CD1B: variants seen among roughly 807,000 people sequenced by gnomAD.
The protein encoded by CD1B is T-cell surface glycoprotein CD1b.
A neutral mutation model predicts 39.8 loss-of-function variants in CD1B; 43 were observed. The ratio of observed to expected loss-of-function variants is 1.08; its 90% CI spans 0.85 to 1.39. CD1B has a LOEUF of 1.39. Ranked by LOEUF, CD1B falls within the 40% of genes most tolerant of loss-of-function variation. The pLI, the probability that CD1B is intolerant of heterozygous loss-of-function variation, is 0.00. For synonymous variants in CD1B, 192 were observed against 152.5 expected, an observed-to-expected ratio of 1.26 and a Z score of -1.91; for missense variants, 495 against 403.8, an observed-to-expected ratio of 1.23 and a Z score of -1.94.
chr1:158,329,563 T>C lies in CD1B; in HGVS notation c.693A>G (p.Pro231=). The C allele has an allele frequency of 6.2e-7, 1 of 1,614,010 alleles. No individual in the cohort carries two copies. Among genetic ancestry groups the C allele is most frequent in the Non-Finnish European group, 8.5e-7 (1 of 1,180,002 alleles). ...GCATCCACATCACCCACACGGGCTTTGGGTAGAATCCTGAGACATGGCACA... is the reference window on the plus strand; with the variant it reads ...GCATCCACATCACCCACACGGGCTTCGGGTAGAATCCTGAGACATGGCACA... The part of the protein sequence containing the change: ...QLVCHVSGFY[P]KPVWVMWMRG... The change falls in exon 4 of 6, where the codon CCA becomes CCG. Residue 231 remains proline, a synonymous_variant. Coordinates refer to ENST00000368168, the MANE Select transcript of CD1B (RefSeq NM_001764.3).
downstream of CD1B, chr1:158,327,827 G>A (rs1165669358): frequency 6.2e-6 from 1 of 160,202 alleles, no homozygotes; most frequent in Non-Finnish European, 1.4e-5. Context: ...CATCCAAAAG[G>A]CTCTGCATCT....
At chr1:158,304,710 C>A in the CD1B span, among the ~76,000 whole-genome samples, 4 of 152,230 alleles carry the variant, frequency 2.6e-5, no homozygotes, top group Non-Finnish European at 4.4e-5. Context: ...ACTGACACCT[C>A]ACACGGCAGG....
the CD1B span, chr1:158,291,380 C>A: frequency 3.7e-6 from 6 of 1,613,978 alleles, no homozygotes; most frequent in Non-Finnish European, 5.1e-6. Context: ...CAAGACCATG[C>A]AAGTCAAGAT....
downstream of CD1B, among the ~76,000 whole-genome samples, chr1:158,324,983 A>T (rs369246426): frequency 7.4e-4 from 112 of 152,270 alleles, 4 homozygotes; most frequent in South Asian, 0.023. Flanking sequence ...ATGAGTATAC[A>T]ATTATGCAAA....
At chr1:158,324,518 T>A (rs1003523539), downstream of CD1B, among the ~76,000 whole-genome samples, 1 of 152,196 alleles carries the variant, frequency 6.6e-6, no homozygotes, top group African/African-American at 2.4e-5. Flanking sequence ...CATTGATTCA[T>A]CGGAAACCAA....
the CD1B span, among the ~76,000 whole-genome samples, chr1:158,286,277 G>T: frequency 6.6e-6 from 1 of 152,108 alleles, no homozygotes; most frequent in Non-Finnish European, 1.5e-5. Flanking sequence ...TGTTCAGAGA[G>T]CTTAATAACC....
downstream of CD1B, among the ~76,000 whole-genome samples, chr1:158,324,088 C>A (rs1337200149): frequency 6.6e-6 from 1 of 152,194 alleles, no homozygotes; most frequent in Admixed American, 6.5e-5. Context: ...TCACTGCCAA[C>A]ATTTAACGGA....
the CD1B span, among the ~76,000 whole-genome samples, chr1:158,310,431 T>G: frequency 5.3e-5 from 8 of 152,066 alleles, no homozygotes; most frequent in Non-Finnish European, 8.8e-5. Flanking sequence ...TGATGAAGAC[T>G]TCAAAAGAAA....
intron 1 of CD1B, 122 bp from the exon 2 acceptor site, chr1:158,331,184 T>C: frequency 8.7e-7 from 1 of 1,146,262 alleles, no homozygotes. Flanking sequence ...ACAGGAAGTC[T>C]GACACATTTG....
At chr1:158,327,593 A>T (rs2101709683), downstream of CD1B, among the ~76,000 whole-genome samples, 1 of 152,086 alleles carries the variant, frequency 6.6e-6, no homozygotes, top group East Asian at 1.9e-4. Flanking sequence ...TGCAGCTAAG[A>T]GATCTTGCCA....
At chr1:158,308,491 C>T in the CD1B span, among the ~76,000 whole-genome samples, 2 of 152,118 alleles carry the variant, frequency 1.3e-5, no homozygotes, top group African/African-American at 4.8e-5. Context: ...CTTTAAAGTT[C>T]ATATGGAACC....
chr1:158,320,008 A>T, the CD1B span, among the ~76,000 whole-genome samples: 3 of 152,204 alleles, frequency 2.0e-5, no homozygotes, highest in Non-Finnish European at 4.4e-5. Context: ...TTGAGGAGGC[A>T]GTCTGCCCGT....
the CD1B span, among the ~76,000 whole-genome samples, chr1:158,317,463 G>T: frequency 0.018 from 2,684 of 151,666 alleles, 80 homozygotes; most frequent in African/African-American, 0.062. Flanking sequence ...GGTGTTTGTA[G>T]TATTCTCTGA....
the CD1B span, among the ~76,000 whole-genome samples, chr1:158,298,503 C>T: frequency 6.6e-6 from 1 of 152,140 alleles, no homozygotes; most frequent in East Asian, 1.9e-4. Context: ...AATGTGGGCT[C>T]TTTTTGATTT....
At chr1:158,326,820 A>T (rs1652370828), downstream of CD1B, among the ~76,000 whole-genome samples, 2 of 149,180 alleles carry the variant, frequency 1.3e-5, no homozygotes, top group South Asian at 4.2e-4. Context: ...TTTTGGAGAC[A>T]GGGTCTTGCT....
At chr1:158,311,427 T>C in the CD1B span, among the ~76,000 whole-genome samples, 19 of 152,296 alleles carry the variant, frequency 1.2e-4, no homozygotes, top group South Asian at 3.9e-3. Context: ...TGGATCTTAA[T>C]CCCTTTGGAT....
In CD1B at chr1:158,330,639, G is replaced by T. The variant is rs1171658572; in HGVS notation, c.328+157C>A. 7 of 784,868 alleles carry T rather than the reference G, an allele frequency of 8.9e-6. No homozygotes were observed. The South Asian group carries it at 9.6e-5, about 11-fold the overall frequency. The allele number at this position is 784,868 out of a possible 1,614,324, so 48.6% of individuals were successfully genotyped here. On this transcript the variant is annotated intron_variant, in intron 2 of 5. Transcript: ENST00000368168. ...AGAATCTGAAATATGAGGTGTGATG[G>T]TGTGAAGCTGGAGTGAGAGACTACT...
At chr1:158,301,962 T>C in the CD1B span, among the ~76,000 whole-genome samples, 2 of 152,164 alleles carry the variant, frequency 1.3e-5, no homozygotes, top group Admixed American at 6.6e-5. Flanking sequence ...TAGTACCATA[T>C]ATGCAGAATA....
rs201582995 is a variant in CD1B, at chr1:158,328,883, A to G, written c.980+38T>C. On this transcript the variant is annotated intron_variant, in intron 5 of 5. Coordinates refer to ENST00000368168, the MANE Select transcript of CD1B (RefSeq NM_001764.3). ...AACAGTGGAAGGGTGAACAGAAAAG[A>G]CATATTAAAAAAAAAAACAACACCA... 438 of 1,389,010 alleles carry G rather than the reference A, an allele frequency of 3.2e-4. 1 individual carries two copies. Among genetic ancestry groups the G allele is most frequent in the Non-Finnish European group, 2.7e-5 (27 of 1,004,454 alleles). The allele number at this position is 1,389,010 out of a possible 1,614,324, so 86.0% of individuals were successfully genotyped here.
Sources: gnomAD v4.1 joint callset for allele counts (sites outside exome capture counted in the v4.1 genomes callset) on GRCh38, gnomAD v4.1.1 for gene constraint, MANE v1.5 for transcripts, NCBI Gene and HGNC (gene_info 2026-07-23, HGNC 2026-07-21) for gene names.